MEI1: variants seen among roughly 807,000 people sequenced by gnomAD.
The protein encoded by MEI1 is meiotic double-stranded break formation protein 1, also known as meiosis inhibitor protein 1.
Under a neutral mutation model 146.2 loss-of-function variants are expected in MEI1, and 103 were observed. The observed-to-expected ratio is 0.70, with a 90% CI of 0.60 to 0.83. The LOEUF (loss-of-function observed/expected upper bound fraction) is 0.83. MEI1 is among the 40% of genes least tolerant of loss of function. The pLI, the probability that MEI1 is intolerant of heterozygous loss-of-function variation, is 0.00. For missense variants in MEI1, 1,529 were observed against 1,533.0 expected, an observed-to-expected ratio of 1.00 and a Z score of 0.04; for synonymous variants, 652 against 628.2, an observed-to-expected ratio of 1.04 and a Z score of -0.57.
rs147348682 is a variant in MEI1, at chr22:41,699,654, T to G, written c.116T>G (p.Val39Gly). 37,406 of 1,591,024 alleles carry G rather than the reference T, an allele frequency of 0.024. 528 individuals carry two copies. The highest frequency in any genetic ancestry group is 0.029 in the Non-Finnish European group (33,634 of 1,168,606). The change falls in exon 1 of 31, where the codon GTG (valine) becomes GGG (glycine). Residue 39 changes from valine (V) to glycine (G), a missense_variant. By Grantham distance (109) the Val-to-Gly change is moderately radical. This residue lies in a region of MEI1 where 1,212 missense variants were observed against 1,178.9 expected (regional missense o/e 1.03). Coordinates refer to ENST00000401548, the MANE Select transcript of MEI1 (RefSeq NM_152513.4). The part of the protein sequence containing the change: ...YRHDPRWLLP[V>G]TPRLCLACAL... ...CACGACCCGCGCTGGCTGCTGCCCG[T>G]GACCCCCCGCCTGTGCCTGGCCTGC...
intron 30 of MEI1, among the ~76,000 whole-genome samples, chr22:41,798,935 G>A (rs1378828214): frequency 6.6e-6 from 1 of 151,642 alleles, no homozygotes; most frequent in African/African-American, 2.4e-5. Context: ...CCCTCTGGTA[G>A]GTGGCTGGTT....
At chr22:41,702,040 A>G (rs1351939165) in intron 1 of MEI1, among the ~76,000 whole-genome samples, 1 of 152,242 alleles carries the variant, frequency 6.6e-6, no homozygotes, top group Non-Finnish European at 1.5e-5. Flanking sequence ...CATATAGATC[A>G]CTACCTTAAT....
At chr22:41,771,093 A>C (rs1475995211) in intron 20 of MEI1, 132 bp downstream of exon 20, 1 of 991,092 alleles carries the variant, frequency 1.0e-6, no homozygotes, top group African/African-American at 1.6e-5. Context: ...TCTGCATGTG[A>C]GTTGGAGGGG....
chr22:41,763,836 T>C (rs1377593700), intron 19 of MEI1, among the ~76,000 whole-genome samples: 2 of 152,210 alleles, frequency 1.3e-5, no homozygotes, highest in African/African-American at 4.8e-5. Flanking sequence ...ACTCATGTTT[T>C]TGAAAACTGG....
intron 11 of MEI1, among the ~76,000 whole-genome samples, chr22:41,741,136 A>G (rs2072828746): frequency 6.6e-6 from 1 of 152,104 alleles, no homozygotes; most frequent in Admixed American, 6.6e-5. Context: ...AAAGTTTACA[A>G]ATTTGTGTCA....
At chr22:41,736,552 CA>C (rs1171979796) in intron 11 of MEI1, among the ~76,000 whole-genome samples, 2 of 151,964 alleles carry the variant, frequency 1.3e-5, no homozygotes, top group Non-Finnish European at 2.9e-5. Flanking sequence ...CGCGCCTGGC[CA>C]AAAAATTTTT....
At chr22:41,723,899 C>T in intron 6 of MEI1, 44 bp from the exon 7 acceptor site, 1 of 1,559,706 alleles carries the variant, frequency 6.4e-7, no homozygotes, top group Non-Finnish European at 8.7e-7. Flanking sequence ...TACTCTGGTG[C>T]CTGTGTTCCT....
In MEI1 at chr22:41,778,785, A is replaced by G. The variant is rs2075602071; in HGVS notation, c.2788A>G (p.Ser930Gly). The G allele has an allele frequency of 1.2e-6, 2 of 1,607,174 alleles. No individual in the cohort carries two copies. Among genetic ancestry groups the G allele is most frequent in the Non-Finnish European group, 1.7e-6 (2 of 1,177,014 alleles). The change falls in exon 22 of 31, where the codon AGC (serine) becomes GGC (glycine). Residue 930 changes from serine (S) to glycine (G), a missense_variant. By Grantham distance (56) the Ser-to-Gly change is moderately conservative. Coordinates refer to ENST00000401548, the MANE Select transcript of MEI1 (RefSeq NM_152513.4). ...LRNVSEQELD[S>G]VAMKLLHQVS... is the part of the protein sequence containing the mutation. Reference sequence around the variant, plus strand: ...GAATGTGTCAGAGCAAGAACTGGACAGCGTGGCCATGAAGCTCCTTCACCA... The same window carrying G: ...GAATGTGTCAGAGCAAGAACTGGACGGCGTGGCCATGAAGCTCCTTCACCA...
chr22:41,700,758 T>TAA (rs2068648304), intron 1 of MEI1, among the ~76,000 whole-genome samples: 1 of 20,028 alleles, frequency 5.0e-5, no homozygotes, highest in Non-Finnish European at 4.4e-4. Flanking sequence ...AATTTTTTTT[T>TAA]TTTTTTTTTT....
chr22:41,709,220 C>T (rs555483985), intron 3 of MEI1: 3 of 859,800 alleles, frequency 3.5e-6, no homozygotes, highest in East Asian at 4.9e-5. Flanking sequence ...GTACACACTT[C>T]ACTTGGCATC....
rs2075601981 is a variant in MEI1 at position 41,778,783 on chromosome 22, A to G, written c.2786A>G (p.Asp929Gly). The G allele has an allele frequency of 1.2e-6, 2 of 1,607,494 alleles. No homozygotes were observed. The highest frequency in any genetic ancestry group is 2.7e-5 in the African/African-American group (2 of 74,794). ...AGGAATGTGTCAGAGCAAGAACTGGACAGCGTGGCCATGAAGCTCCTTCAC... is the reference window on the plus strand; with the variant it reads ...AGGAATGTGTCAGAGCAAGAACTGGGCAGCGTGGCCATGAAGCTCCTTCAC... The part of the protein sequence containing the change: ...QLRNVSEQEL[D>G]SVAMKLLHQV... The change falls in exon 22 of 31, where the codon GAC becomes GGC. Residue 929 changes from aspartate to glycine, a missense_variant. Physicochemically the swap from Asp to Gly is moderately conservative, Grantham distance 94. Around this residue, in one of 3 missense-constraint regions of MEI1, gnomAD observed 1,212 missense variants for 1,178.9 expected, o/e 1.03. Coordinates refer to ENST00000401548, the MANE Select transcript of MEI1 (RefSeq NM_152513.4).
intron 5 of MEI1, among the ~76,000 whole-genome samples, chr22:41,716,576 A>G (rs1396039435): frequency 1.3e-5 from 2 of 150,016 alleles, no homozygotes; most frequent in Non-Finnish European, 3.0e-5. Context: ...GGGTTTCTCC[A>G]TGTTGGTCAG....
At chr22:41,708,754 G>A (rs1376722427) in intron 3 of MEI1, among the ~76,000 whole-genome samples, 2 of 152,154 alleles carry the variant, frequency 1.3e-5, no homozygotes, top group African/African-American at 2.4e-5. Flanking sequence ...CTGTTCTTTC[G>A]ACAGATGCCA....
intron 26 of MEI1, among the ~76,000 whole-genome samples, chr22:41,790,670 T>C (rs2076147580): frequency 6.6e-6 from 1 of 151,998 alleles, no homozygotes; most frequent in African/African-American, 2.4e-5. Flanking sequence ...TCGGCTCACT[T>C]ACAACCTCTG....
At chr22:41,757,933 C>G (rs1413736954) in intron 17 of MEI1, among the ~76,000 whole-genome samples, 1 of 151,886 alleles carries the variant, frequency 6.6e-6, no homozygotes, top group African/African-American at 2.4e-5. Flanking sequence ...ATGGCAAAAC[C>G]CTGCCTCTAC....
intron 18 of MEI1, among the ~76,000 whole-genome samples, chr22:41,758,747 C>T (rs1458281232): frequency 6.6e-6 from 1 of 152,180 alleles, no homozygotes; most frequent in Non-Finnish European, 1.5e-5. Flanking sequence ...GCCTAGAAAG[C>T]CAGTGAGTAT....
At chr22:41,702,870 C>T (rs2068818983) in intron 1 of MEI1, among the ~76,000 whole-genome samples, 1 of 152,142 alleles carries the variant, frequency 6.6e-6, no homozygotes, top group Non-Finnish European at 1.5e-5. Context: ...CAGGCACCTG[C>T]CACCATGCCC....
chr22:41,776,041 A>G, intron 20 of MEI1, 61 bp from the exon 21 acceptor site: 1 of 1,555,580 alleles, frequency 6.4e-7, no homozygotes, highest in Non-Finnish European at 8.8e-7. Context: ...TCTATTCCTC[A>G]TTGTCACTTT....
chr22:41,792,269 G>A (rs562414575), intron 26 of MEI1, among the ~76,000 whole-genome samples: 1 of 152,196 alleles, frequency 6.6e-6, no homozygotes, highest in Admixed American at 6.6e-5. Flanking sequence ...GGTGGCACCA[G>A]CACTACAAAC....
Sources: allele counts gnomAD v4.1 joint callset (sites outside exome capture counted in the v4.1 genomes callset), GRCh38; gene constraint gnomAD v4.1.1; regional missense constraint gnomAD v4.1.1; transcripts MANE v1.5; gene names NCBI Gene and HGNC (gene_info 2026-07-23, HGNC 2026-07-21).